Variants in GABRG3 observed in about 807,000 individuals in gnomAD.
GABRG3 encodes gamma-aminobutyric acid type A receptor subunit gamma3.
A neutral mutation model predicts 48.8 loss-of-function variants in GABRG3; 25 were observed. That is an observed-to-expected ratio of 0.51 (90% CI 0.37 to 0.72). The LOEUF (loss-of-function observed/expected upper bound fraction) is 0.72. Among genes scored for constraint, GABRG3 ranks in the 30% least tolerant of loss-of-function variants. The pLI is 0.00. For synonymous variants in GABRG3, 227 were observed against 217.6 expected, an observed-to-expected ratio of 1.04 and a Z score of -0.38; for missense variants, 394 against 577.9, an observed-to-expected ratio of 0.68 and a Z score of 3.26.
At chr15:27,259,342 T>G (rs890990447) in intron 3 of GABRG3, among the ~76,000 whole-genome samples, 2 of 152,118 alleles carry the variant, frequency 1.3e-5, no homozygotes, top group African/African-American at 4.8e-5. Flanking sequence ...AGTTTGGAGG[T>G]GCAGCTTTGT....
At chr15:27,045,217 A>G (rs1314621144) in intron 3 of GABRG3, among the ~76,000 whole-genome samples, 1 of 152,194 alleles carries the variant, frequency 6.6e-6, no homozygotes, top group Admixed American at 6.5e-5. Flanking sequence ...TGAGGCGCTT[A>G]TGAGCCCAGA....
At chr15:27,228,694 G>C (rs34230811) in intron 3 of GABRG3, among the ~76,000 whole-genome samples, 28,843 of 152,080 alleles carry the variant, frequency 0.19, 3,937 homozygotes, top group East Asian at 0.41. Flanking sequence ...AGTGTATAAG[G>C]GTTCCCTTTT....
chr15:27,451,079 T>C (rs1176230988), intron 5 of GABRG3, among the ~76,000 whole-genome samples: 1 of 152,146 alleles, frequency 6.6e-6, no homozygotes, highest in African/African-American at 2.4e-5. Flanking sequence ...ATTGGAAGCA[T>C]TAATATTGTC....
intron 5 of GABRG3, chr15:27,340,972 GGT>G: frequency 3.9e-6 from 2 of 508,186 alleles, no homozygotes; most frequent in Non-Finnish European, 7.8e-6. Context: ...TTTGTTTTGG[GGT>G]GTGTTTTGGA....
intron 3 of GABRG3, among the ~76,000 whole-genome samples, chr15:27,253,647 C>T (rs2140461562): frequency 6.6e-6 from 1 of 152,354 alleles, no homozygotes; most frequent in South Asian, 2.1e-4. Context: ...CTGCATCAGG[C>T]TCTGAGAGTT....
chr15:27,229,696 C>CT (rs1382911137), intron 3 of GABRG3, among the ~76,000 whole-genome samples: 5 of 152,178 alleles, frequency 3.3e-5, no homozygotes, highest in African/African-American at 7.2e-5. Context: ...AGGCTGGTCT[C>CT]TAACTCCTGA....
chr15:27,009,746 A>G (rs769039880), intron 2 of GABRG3, among the ~76,000 whole-genome samples: 3 of 152,170 alleles, frequency 2.0e-5, no homozygotes, highest in Admixed American at 6.5e-5. Context: ...TGGCCATCCT[A>G]TGGTGATCAC....
At chr15:27,366,146 A>C (rs1467217339) in intron 5 of GABRG3, 3 of 152,154 alleles carry the variant, frequency 2.0e-5, no homozygotes, top group Non-Finnish European at 2.9e-5. Context: ...ATCCAAAGAC[A>C]TCCATGGAAG....
chr15:27,117,250 C>T (rs566738140), intron 3 of GABRG3, among the ~76,000 whole-genome samples: 2 of 152,326 alleles, frequency 1.3e-5, no homozygotes, highest in African/African-American at 2.4e-5. Context: ...TTCTTTGAAA[C>T]TTTATTCTTG....
chr15:27,397,700 A>G (rs2140583349), intron 5 of GABRG3, among the ~76,000 whole-genome samples: 1 of 152,236 alleles, frequency 6.6e-6, no homozygotes, highest in South Asian at 2.1e-4. Flanking sequence ...GCATGTAGCT[A>G]ATATGAAGTA....
intron 5 of GABRG3, chr15:27,340,969 T>C (rs775176628): frequency 5.9e-6 from 3 of 508,400 alleles, no homozygotes; most frequent in South Asian, 2.9e-5. Flanking sequence ...GCTTTTGTTT[T>C]GGGGTGTGTT....
intron 5 of GABRG3, among the ~76,000 whole-genome samples, chr15:27,456,996 G>A (rs1264052527): frequency 2.0e-5 from 3 of 152,172 alleles, no homozygotes; most frequent in Non-Finnish European, 2.9e-5. Flanking sequence ...CCACTTTCCC[G>A]AGCTCCACCT....
At chr15:27,376,993 C>T (rs988680053) in intron 5 of GABRG3, among the ~76,000 whole-genome samples, 2 of 152,152 alleles carry the variant, frequency 1.3e-5, no homozygotes, top group African/African-American at 4.8e-5. Flanking sequence ...CAACACCCAA[C>T]TCACCTCTTG....
intron 3 of GABRG3, among the ~76,000 whole-genome samples, chr15:27,293,677 CAAAA>C (rs955379793): frequency 3.6e-5 from 5 of 138,018 alleles, no homozygotes; most frequent in Admixed American, 7.4e-5. Context: ...GATTCTGTCT[CAAAA>C]AAAACAAACA....
At chr15:27,278,821 T>C (rs1891340196) in intron 3 of GABRG3, among the ~76,000 whole-genome samples, 1 of 152,184 alleles carries the variant, frequency 6.6e-6, no homozygotes, top group Non-Finnish European at 1.5e-5. Flanking sequence ...TTCTGTGTAA[T>C]ATGGTAAGCG....
At chr15:27,334,313 T>A (rs1205752660) in intron 5 of GABRG3, among the ~76,000 whole-genome samples, 1 of 152,156 alleles carries the variant, frequency 6.6e-6, no homozygotes, top group African/African-American at 2.4e-5. Context: ...CACATGCATA[T>A]ACACTTCTGT....
chr15:27,102,728 TCTC>T (rs1218412284), intron 3 of GABRG3, among the ~76,000 whole-genome samples: 4 of 152,160 alleles, frequency 2.6e-5, no homozygotes, highest in South Asian at 4.1e-4. Flanking sequence ...TGAGCTTACT[TCTC>T]CTAATAAAAG....
rs200781979 is a variant in GABRG3 at position 27,281,474 on chromosome 15, AT to A, written c.271-45322del. Among the ~76,000 whole-genome samples the A allele has an allele frequency of 4.1e-3, 589 of 143,182 alleles. 1 individual carries two copies. Among genetic ancestry groups the A allele is most frequent in the African/African-American group, 8.5e-3 (338 of 39,908 alleles). The allele number at this position is 143,182 out of a possible 152,430, so 93.9% of individuals were successfully genotyped here. The stretch of plus-strand genomic sequence containing the variant: ...TATTTGTTTCATTTTCCTGTGGTTA[AT>A]TTTTTTTTTTTTACAGTTACACTTT... On this transcript the variant is annotated intron_variant, in intron 3 of 9. Coordinates refer to ENST00000615808, the MANE Select transcript of GABRG3 (RefSeq NM_033223.5).
intron 3 of GABRG3, among the ~76,000 whole-genome samples, chr15:27,060,733 C>G (rs116923763): frequency 0.013 from 2,041 of 152,272 alleles, 21 homozygotes; most frequent in Non-Finnish European, 0.02. Context: ...AAGGAGGGAC[C>G]TTTCTTCCTT....
Sources: allele counts gnomAD v4.1 joint callset (sites outside exome capture counted in the v4.1 genomes callset), GRCh38; gene constraint gnomAD v4.1.1; transcripts MANE v1.5; gene names NCBI Gene and HGNC (gene_info 2026-07-23, HGNC 2026-07-21).